GALNT12: variants seen among roughly 807,000 people sequenced by gnomAD.
The protein encoded by GALNT12 is UDP-GalNAc:polypeptide N-acetylgalactosaminyltransferase 12.
GALNT12 carries 45 observed loss-of-function variants against 55.5 expected under a neutral mutation model. The ratio of observed to expected loss-of-function variants is 0.81; its 90% CI spans 0.64 to 1.04. The LOEUF is 1.04. Among genes scored for constraint, GALNT12 ranks in the 50% least tolerant of loss-of-function variants. The probability of loss-of-function intolerance (pLI) is 0.00; values close to 1 mark genes in which losing one functional copy is unlikely to be tolerated. For missense variants in GALNT12, 709 were observed against 754.8 expected, an observed-to-expected ratio of 0.94 and a Z score of 0.71; for synonymous variants, 304 against 312.2, an observed-to-expected ratio of 0.97 and a Z score of 0.28.
At chr9:98,837,830 T>C (rs143895496) in intron 6 of GALNT12, among the ~76,000 whole-genome samples, 2 of 152,180 alleles carry the variant, frequency 1.3e-5, no homozygotes, top group African/African-American at 4.8e-5. Context: ...CAACTCAAAT[T>C]TTTTGTCCAT....
At position 98,823,414 on chromosome 9, in the gene GALNT12, A is replaced by G. The variant is rs867136237; in HGVS notation, c.530A>G (p.Tyr177Cys). The change falls in exon 2 of 10, where the codon TAC becomes TGC. Residue 177 changes from tyrosine to cysteine, a missense_variant. By Grantham distance (194) the Tyr-to-Cys change is radical (BLOSUM62 -2). This residue lies in a region of GALNT12 where 315 missense variants were observed against 288.6 expected (regional missense o/e 1.09). Coordinates refer to ENST00000375011, the MANE Select transcript of GALNT12 (RefSeq NM_024642.5). ...LLEEVILVDD[Y>C]SDREHLKERL... is the part of the protein sequence containing the mutation. ...GAAGAAGTGATCCTTGTAGATGACT[A>G]CAGTGATAGAGGTGAGTCCCGGCCA... is the stretch of plus-strand genomic sequence containing the variant. 6.2e-7 allele frequency: 1 copy of G among 1,614,086 alleles called. No homozygotes were observed. Among genetic ancestry groups the G allele is most frequent in the Middle Eastern group, 1.7e-4 (1 of 6,056 alleles).
chr9:98,824,844 G>C (rs1039500658), intron 2 of GALNT12, among the ~76,000 whole-genome samples: 1 of 152,170 alleles, frequency 6.6e-6, no homozygotes, highest in Non-Finnish European at 1.5e-5. Flanking sequence ...TGTAGCAGCC[G>C]GCACATAGTA....
At chr9:98,846,244 C>G (rs113674846) in intron 9 of GALNT12, 121 bp downstream of exon 9, 1 of 1,319,868 alleles carries the variant, frequency 7.6e-7, no homozygotes. Flanking sequence ...CATGCATGGA[C>G]AGGAGCTCTG....
chr9:98,826,511 G>C (rs1835859093), intron 2 of GALNT12, among the ~76,000 whole-genome samples: 1 of 152,156 alleles, frequency 6.6e-6, no homozygotes, highest in Non-Finnish European at 1.5e-5. Flanking sequence ...CAACGTGCAT[G>C]TGTTTAGATG....
At chr9:98,848,679 A>G in intron 9 of GALNT12, 1 of 490,348 alleles carries the variant, frequency 2.0e-6, no homozygotes, top group Non-Finnish European at 3.7e-6. Flanking sequence ...GAAGGAAGCC[A>G]AATGCAATAG....
chr9:98,844,728 G>A (rs959388605), intron 8 of GALNT12, among the ~76,000 whole-genome samples: 2 of 152,178 alleles, frequency 1.3e-5, no homozygotes, highest in African/African-American at 4.8e-5. Flanking sequence ...CACCTTGCAA[G>A]GTGGTGTTTA....
chr9:98,807,827 C>G lies in GALNT12; in HGVS notation c.129C>G (p.Ala43=), dbSNP rs1315923578. The change falls in exon 1 of 10, where the codon GCC becomes GCG. Residue 43 remains alanine (A), a synonymous_variant. Coordinates refer to ENST00000375011, the MANE Select transcript of GALNT12 (RefSeq NM_024642.5). The part of the protein sequence containing the change: ...LGSVLRAQRG[A]GAGAAEPGPP... ...CGGTGCTGCGGGCGCAGCGTGGGGCCGGGGCCGGGGCTGCCGAGCCGGGAC... is the reference window on the plus strand; with the variant it reads ...CGGTGCTGCGGGCGCAGCGTGGGGCGGGGGCCGGGGCTGCCGAGCCGGGAC... 9.7e-7 allele frequency: 1 copy of G among 1,026,698 alleles called. No homozygotes were observed. The highest frequency in any genetic ancestry group is 1.2e-6 in the Non-Finnish European group (1 of 859,356). The allele number at this position is 1,026,698 out of a possible 1,614,324, so 63.6% of individuals were successfully genotyped here.
At chr9:98,818,676 T>G (rs376638331) in intron 1 of GALNT12, among the ~76,000 whole-genome samples, 4 of 152,226 alleles carry the variant, frequency 2.6e-5, no homozygotes, top group East Asian at 3.8e-4. Context: ...TGTTATGACG[T>G]TGACATTTTT....
chr9:98,822,966 G>A (rs774738214), intron 1 of GALNT12, among the ~76,000 whole-genome samples: 10 of 152,212 alleles, frequency 6.6e-5, no homozygotes, highest in Non-Finnish European at 1.0e-4. Flanking sequence ...GAAGGAAGAC[G>A]TGCCAGTTCC....
At chr9:98,832,019 T>A (rs888637197) in intron 4 of GALNT12, 62 bp downstream of exon 4, 7 of 1,451,902 alleles carry the variant, frequency 4.8e-6, no homozygotes, top group Non-Finnish European at 6.7e-6. Flanking sequence ...CTGGCTGACC[T>A]GTGAGCGGAG....
At chr9:98,823,541 C>T (rs1835793916) in intron 2 of GALNT12, 116 bp downstream of exon 2, 1 of 872,268 alleles carries the variant, frequency 1.1e-6, no homozygotes, top group Non-Finnish European at 1.9e-6. Flanking sequence ...TTCCTGTATC[C>T]TCCTGTACCC....
At chr9:98,846,696 C>CT (rs1836424220) in intron 9 of GALNT12, among the ~76,000 whole-genome samples, 1 of 61,720 alleles carries the variant, frequency 1.6e-5, no homozygotes, top group Non-Finnish European at 3.3e-5. Context: ...CCCATCTCTA[C>CT]TTAAAAAAAA....
At chr9:98,821,624 C>CAAAAAAAAAAAAAAACA (rs11467276) in intron 1 of GALNT12, among the ~76,000 whole-genome samples, 1 of 112,030 alleles carries the variant, frequency 8.9e-6, no homozygotes, top group African/African-American at 3.0e-5. Flanking sequence ...GACTCCATCT[C>CAAAAAAAAAAAAAAACA]AAAAAAAAAA....
In GALNT12 at chr9:98,828,290, G is replaced by T. The variant is rs546334784; in HGVS notation, c.731+1349G>T. Reference sequence around the variant, plus strand: ...TGTCCTGGCTTCTTGTCAGCTGCAGGTTCTATAGCTGTCTCTTTCTCCTCC... The same window carrying T: ...TGTCCTGGCTTCTTGTCAGCTGCAGTTTCTATAGCTGTCTCTTTCTCCTCC... On this transcript the variant is annotated intron_variant, in intron 3 of 9. Coordinates refer to ENST00000375011, the MANE Select transcript of GALNT12 (RefSeq NM_024642.5). Among the ~76,000 whole-genome samples the T allele has an allele frequency of 3.3e-5, 5 of 152,276 alleles. No homozygotes were observed. In the East Asian group the frequency reaches 7.7e-4, roughly 24 times the overall value.
intron 6 of GALNT12, among the ~76,000 whole-genome samples, chr9:98,839,042 C>T (rs926194144): frequency 2.0e-5 from 3 of 152,046 alleles, no homozygotes; most frequent in Non-Finnish European, 4.4e-5. Flanking sequence ...GCTTCTGCCT[C>T]CTCCGTCTTG....
intron 5 of GALNT12, 62 bp from the exon 6 acceptor site, chr9:98,836,910 T>C: frequency 1.3e-6 from 2 of 1,573,748 alleles, no homozygotes; most frequent in Middle Eastern, 2.1e-4. Context: ...TTGCTGCAGA[T>C]ACTATGGACC....
At chr9:98,836,528 G>T (rs56147459) in intron 5 of GALNT12, among the ~76,000 whole-genome samples, 4,882 of 151,830 alleles carry the variant, frequency 0.032, 286 homozygotes, top group African/African-American at 0.11. Context: ...TGGTCTCTCT[G>T]CCTCTTCCTT....
At chr9:98,824,824 C>G (rs1371245145) in intron 2 of GALNT12, among the ~76,000 whole-genome samples, 1 of 152,194 alleles carries the variant, frequency 6.6e-6, no homozygotes, top group Non-Finnish European at 1.5e-5. Flanking sequence ...ATGTATAGGA[C>G]AGAACCTCAT....
rs1186631920 is a variant in GALNT12 at position 98,842,089 on chromosome 9, G to C, written c.1344+1956G>C. On this transcript the variant is annotated intron_variant, in intron 7 of 9. Coordinates refer to ENST00000375011, the MANE Select transcript of GALNT12 (RefSeq NM_024642.5). ...CTGGGTTGTTTTTTTTTTTGTTGTGGCTCATTGTTTTTTTTGGCTTTTTCT... is the reference window on the plus strand; with the variant it reads ...CTGGGTTGTTTTTTTTTTTGTTGTGCCTCATTGTTTTTTTTGGCTTTTTCT... Among the ~76,000 whole-genome samples the C allele has an allele frequency of 2.0e-5, 3 of 151,534 alleles. No homozygotes were observed. The East Asian group carries it at 5.8e-4, about 29-fold the overall frequency.
Sources: allele counts gnomAD v4.1 joint callset (sites outside exome capture counted in the v4.1 genomes callset), GRCh38; gene constraint gnomAD v4.1.1; regional missense constraint gnomAD v4.1.1; transcripts MANE v1.5; gene names NCBI Gene and HGNC (gene_info 2026-07-23, HGNC 2026-07-21).